PRKN: variants seen among roughly 807,000 people sequenced by gnomAD.
The protein encoded by PRKN is parkin RBR E3 ubiquitin protein ligase, also known as E3 ubiquitin-protein ligase parkin.
A neutral mutation model predicts 59.5 loss-of-function variants in PRKN; 56 were observed. The observed-to-expected ratio is 0.94, with a 90% CI of 0.76 to 1.18. The LOEUF is 1.18. PRKN is among the 50% of genes most tolerant of loss of function. The pLI is 0.00. For synonymous variants in PRKN, 250 were observed against 222.1 expected, an observed-to-expected ratio of 1.13 and a Z score of -1.12; for missense variants, 657 against 596.4, an observed-to-expected ratio of 1.10 and a Z score of -1.06.
chr6:162,499,314 T>C (rs532969704), intron 1 of PRKN, among the ~76,000 whole-genome samples: 3 of 152,192 alleles, frequency 2.0e-5, no homozygotes, highest in Non-Finnish European at 2.9e-5. Flanking sequence ...AAATCTTTCA[T>C]ATTATTCAAA....
intron 4 of PRKN, among the ~76,000 whole-genome samples, chr6:162,115,346 G>C (rs1026434548): frequency 1.3e-5 from 2 of 151,466 alleles, no homozygotes; most frequent in Non-Finnish European, 2.9e-5. Flanking sequence ...GGACTGTTGT[G>C]GGGTGGGGGG....
At chr6:162,195,232 C>T (rs1027610982) in intron 4 of PRKN, among the ~76,000 whole-genome samples, 3 of 152,204 alleles carry the variant, frequency 2.0e-5, no homozygotes, top group African/African-American at 4.8e-5. Context: ...GTAATGCCTC[C>T]TCCACTGTGC....
intron 2 of PRKN, among the ~76,000 whole-genome samples, chr6:162,428,749 C>G (rs1467082077): frequency 6.6e-6 from 1 of 152,164 alleles, no homozygotes; most frequent in African/African-American, 2.4e-5. Context: ...CTAGCGAAGC[C>G]CCATGCTCCG....
At chr6:162,149,782 GT>G (rs1369418686) in intron 4 of PRKN, among the ~76,000 whole-genome samples, 1 of 152,072 alleles carries the variant, frequency 6.6e-6, no homozygotes, top group Non-Finnish European at 1.5e-5. Context: ...GACTGCAGCC[GT>G]CAGTGTCACT....
At chr6:161,406,920 C>T (rs1395390979) in intron 9 of PRKN, among the ~76,000 whole-genome samples, 1 of 152,126 alleles carries the variant, frequency 6.6e-6, no homozygotes, top group East Asian at 1.9e-4. Flanking sequence ...AGGAGCGTCT[C>T]GGCACTGCTG....
At chr6:162,100,149 T>G (rs540767273) in intron 4 of PRKN, among the ~76,000 whole-genome samples, 1 of 152,336 alleles carries the variant, frequency 6.6e-6, no homozygotes, top group African/African-American at 2.4e-5. Flanking sequence ...TGTTTATAAA[T>G]ATAACACATT....
intron 2 of PRKN, among the ~76,000 whole-genome samples, chr6:162,405,752 A>G (rs147520181): frequency 6.6e-6 from 1 of 152,206 alleles, no homozygotes; most frequent in Non-Finnish European, 1.5e-5. Flanking sequence ...GCGGGGGTGT[A>G]GTGAGAATGT....
intron 7 of PRKN, among the ~76,000 whole-genome samples, chr6:161,766,678 G>A (rs1789436767): frequency 6.6e-6 from 1 of 152,180 alleles, no homozygotes; most frequent in Admixed American, 6.5e-5. Flanking sequence ...ATGCTAGTGT[G>A]TCTTGCAGAG....
intron 2 of PRKN, among the ~76,000 whole-genome samples, chr6:162,316,901 G>C (rs1782775381): frequency 6.6e-6 from 1 of 152,026 alleles, no homozygotes; most frequent in African/African-American, 2.4e-5. Flanking sequence ...AAACAGTAAA[G>C]ATTATAGAAA....
chr6:162,394,433 C>T (rs1281424675), intron 2 of PRKN, among the ~76,000 whole-genome samples: 6 of 152,282 alleles, frequency 3.9e-5, no homozygotes, highest in Admixed American at 3.9e-4. Context: ...TAACTGAGTA[C>T]TCGATGTAAT....
Position 161,775,484 on chromosome 6 carries a change from T to C in PRKN, c.871+10288A>G, listed in dbSNP as rs567203777. On this transcript the variant is annotated intron_variant, in intron 7 of 11. Transcript: ENST00000366898. ...GCCTCAAATTCCTAGGCTTAAGTGA[T>C]TCACGTAGCCCTCCCAAAGTGCTAG... Among the ~76,000 whole-genome samples the C allele has an allele frequency of 4.6e-5, 7 of 152,266 alleles. No individual in the cohort carries two copies. The South Asian group carries it at 1.2e-3, about 27-fold the overall frequency.
In PRKN at chr6:161,562,069, A is replaced by G. The variant is rs1780475952; in HGVS notation, c.933+7286T>C. On this transcript the variant is annotated intron_variant, in intron 8 of 11. Transcript: ENST00000366898. The surrounding 1 kb of genome is among the most constrained non-coding windows in gnomAD (Gnocchi z 4.3). ...GCCTTCTCAGCTTCCCCAACACCAT[A>G]AATCAGCATTCCTCCTCTGGAAGCC... Among the ~76,000 whole-genome samples the G allele has an allele frequency of 6.6e-6, 1 of 151,868 alleles. No individual in the cohort carries two copies. Among genetic ancestry groups the G allele is most frequent in the South Asian group, 2.1e-4 (1 of 4,816 alleles).
intron 1 of PRKN, among the ~76,000 whole-genome samples, chr6:162,693,749 C>T (rs1192685617): frequency 1.3e-5 from 2 of 152,092 alleles, no homozygotes; most frequent in Non-Finnish European, 1.5e-5. Context: ...CAATTGAAGC[C>T]TCTTTTAAAG....
At chr6:161,408,079 GA>G (rs1336623003) in intron 9 of PRKN, among the ~76,000 whole-genome samples, 1 of 152,050 alleles carries the variant, frequency 6.6e-6, no homozygotes, top group Non-Finnish European at 1.5e-5. Flanking sequence ...GGACAGGCTT[GA>G]CAAAAGCTTT....
At chr6:161,924,797 T>C (rs1187169919) in intron 6 of PRKN, among the ~76,000 whole-genome samples, 2 of 152,236 alleles carry the variant, frequency 1.3e-5, no homozygotes, top group African/African-American at 2.4e-5. Context: ...CTCCACAGCA[T>C]TAAATTCAAC....
chr6:162,338,022 A>T (rs1783927329), intron 2 of PRKN, among the ~76,000 whole-genome samples: 1 of 152,180 alleles, frequency 6.6e-6, no homozygotes, highest in Non-Finnish European at 1.5e-5. Flanking sequence ...CTAAAAATTA[A>T]CTTTCCGATA....
At chr6:162,004,951 T>G (rs1782192614) in intron 5 of PRKN, among the ~76,000 whole-genome samples, 1 of 152,234 alleles carries the variant, frequency 6.6e-6, no homozygotes, top group South Asian at 2.1e-4. Context: ...TGCAAAATAC[T>G]AAACATATAC....
chr6:161,655,886 A>G (rs796067659), intron 7 of PRKN, among the ~76,000 whole-genome samples: 1 of 40,574 alleles, frequency 2.5e-5, no homozygotes, highest in East Asian at 5.1e-4. Flanking sequence ...ACACACACAT[A>G]CACACACACA....
At chr6:161,656,843 C>T (rs1412672960) in intron 7 of PRKN, among the ~76,000 whole-genome samples, 2 of 152,162 alleles carry the variant, frequency 1.3e-5, no homozygotes, top group Non-Finnish European at 2.9e-5. Context: ...CCTACCTCTT[C>T]CCAAATTCAC....
Sources: allele counts gnomAD v4.1 joint callset (sites outside exome capture counted in the v4.1 genomes callset), GRCh38; gene constraint gnomAD v4.1.1; non-coding constraint Gnocchi (gnomAD v3.1); transcripts MANE v1.5; gene names NCBI Gene and HGNC (gene_info 2026-07-23, HGNC 2026-07-21).